Variants in DOK2 observed in about 807,000 individuals in gnomAD.
DOK2 encodes the protein docking protein 2, 56kD.
Under a neutral mutation model 26.0 loss-of-function variants are expected in DOK2, and 28 were observed. The ratio of observed to expected loss-of-function variants is 1.08; its 90% CI spans 0.80 to 1.48. DOK2 has a LOEUF of 1.48. Ranked by LOEUF, DOK2 falls within the 40% of genes most tolerant of loss-of-function variation. The pLI is 0.00. For missense variants in DOK2, 682 were observed against 558.2 expected (o/e 1.22, Z -2.23); for synonymous variants, 282 against 236.9 (o/e 1.19, Z -1.75).
At position 21,913,539 on chromosome 8, in the gene DOK2, C is replaced by G. The variant is rs137897782; in HGVS notation, c.63G>C (p.Lys21Asn). Residue 21 changes from lysine to asparagine, a missense_variant and splice_region_variant, in exon 1 of 5, where the codon AAG becomes AAC. Coordinates refer to ENST00000276420, the MANE Select transcript of DOK2 (RefSeq NM_003974.4). Reference protein sequence around the residue: ...LYLQQQQTFGKKWRRFGASLY... With the variant: ...LYLQQQQTFGNKWRRFGASLY... Reference sequence around the variant, plus strand: ...AACCCCAGCCCAGCCTCACTCCTACCTTTCCAAACGTCTGCTGCTGCTGAA... The same window carrying G: ...AACCCCAGCCCAGCCTCACTCCTACGTTTCCAAACGTCTGCTGCTGCTGAA... 2.7e-4 allele frequency: 428 copies of G among 1,613,974 alleles called. No homozygotes were observed. The highest frequency in any genetic ancestry group is 3.5e-4 in the Non-Finnish European group (414 of 1,180,024).
intron 3 of DOK2, 133 bp from the exon 4 acceptor site, chr8:21,910,990 C>T (rs1363822885): frequency 1.8e-6 from 2 of 1,091,920 alleles, no homozygotes; most frequent in Non-Finnish European, 2.5e-6. Flanking sequence ...TGGCCCCCTG[C>T]CTGGGTCTTG....
At position 21,909,938 on chromosome 8, in the gene DOK2, C is replaced by G; in HGVS notation, c.619-7G>C. ...CCTCAAAGGAAAAGGTTACCTGGACCAGGGAGAAAGCAGGTTATTGGCCAG... is the reference window on the plus strand; with the variant it reads ...CCTCAAAGGAAAAGGTTACCTGGACGAGGGAGAAAGCAGGTTATTGGCCAG... On this transcript the variant is annotated splice_polypyrimidine_tract_variant and splice_region_variant and intron_variant, in intron 4 of 4. Coordinates refer to ENST00000276420, the MANE Select transcript of DOK2 (RefSeq NM_003974.4). 2 of 1,603,042 alleles carry G rather than the reference C, an allele frequency of 1.2e-6. No homozygotes were observed. The highest frequency in any genetic ancestry group is 1.3e-5 in the African/African-American group (1 of 74,804).
At chr8:21,911,855 T>C (rs1378511346) in intron 3 of DOK2, 46 bp downstream of exon 3, 1 of 1,534,380 alleles carries the variant, frequency 6.5e-7, no homozygotes. Flanking sequence ...CACCTCACCC[T>C]GGGGAGAGCC....
In DOK2 at chr8:21,912,450, C is replaced by T; in HGVS notation, c.124G>A (p.Glu42Lys). Reference protein sequence around the residue: ...GGSDCALARLELQEGPEKPRR... With the variant: ...GGSDCALARLKLQEGPEKPRR... ...GGCTTCTCCGGGCCCTCCTGCAGCTCCAGCCGGGCCAAGGCGCAGTCCGAC... is the reference window on the plus strand; with the variant it reads ...GGCTTCTCCGGGCCCTCCTGCAGCTTCAGCCGGGCCAAGGCGCAGTCCGAC... The change falls in exon 2 of 5, where the codon GAG becomes AAG. Residue 42 changes from glutamate to lysine, a missense_variant. By Grantham distance (56) the Glu-to-Lys change is moderately conservative. Transcript: ENST00000276420. The T allele has an allele frequency of 1.3e-6, 2 of 1,566,222 alleles. No individual in the cohort carries two copies. The highest frequency in any genetic ancestry group is 1.7e-6 in the Non-Finnish European group (2 of 1,157,596).
rs1418550586 is a variant in DOK2, at chr8:21,909,964, G to A, written c.619-33C>T. 1.9e-6 allele frequency: 3 copies of A among 1,581,098 alleles called. No homozygotes were observed. In the East Asian group the frequency reaches 6.7e-5, roughly 35 times the overall value. ...AGGGAGAAAGCAGGTTATTGGCCAG[G>A]CCACAGGGCAGGGGTGCATTTTTTT... On this transcript the variant is annotated intron_variant, in intron 4 of 4. Coordinates refer to ENST00000276420, the MANE Select transcript of DOK2 (RefSeq NM_003974.4).
chr8:21,912,228 C>T lies in DOK2; in HGVS notation c.345+1G>A, dbSNP rs748150790. On this transcript the variant is annotated splice_donor_variant, in intron 2 of 4. Transcript: ENST00000276420. LOFTEE classifies it high-confidence loss of function. ...CCCTTTCCGCACCCCGCGCGACTCA[C>T]GGGGAAGGCCAGGAGGCAGATGGCC... The T allele has an allele frequency of 2.6e-6, 4 of 1,556,906 alleles. No individual in the cohort carries two copies. The highest frequency in any genetic ancestry group is 1.2e-5 in the South Asian group (1 of 84,938).
intron 3 of DOK2, among the ~76,000 whole-genome samples, chr8:21,911,538 G>A (rs1809844962): frequency 6.6e-6 from 1 of 152,198 alleles, no homozygotes; most frequent in Non-Finnish European, 1.5e-5. Flanking sequence ...AACCCGGGAA[G>A]CGGCGGTTGC....
At position 21,909,414 on chromosome 8, in the gene DOK2, G is replaced by T; in HGVS notation, c.1136C>A (p.Ala379Asp). 6.2e-7 allele frequency: 1 copy of T among 1,611,348 alleles called. No individual in the cohort carries two copies. Among genetic ancestry groups the T allele is most frequent in the Non-Finnish European group, 8.5e-7 (1 of 1,178,312 alleles). ...RRQATADRDP[A>D]GLQHVQPAGQ... ...GGCTGGCTGGACATGCTGGAGGCCA[G>T]CAGGGTCCCTGTCAGCTGTCGCCTG... The change falls in exon 5 of 5, where the codon GCT becomes GAT. Residue 379 changes from alanine (A) to aspartate (D), a missense_variant. Physicochemically the swap from Ala to Asp is moderately radical, Grantham distance 126 (BLOSUM62 -2). Coordinates refer to ENST00000276420, the MANE Select transcript of DOK2 (RefSeq NM_003974.4).
rs73541515 is a variant in DOK2 at position 21,912,236 on chromosome 8, G to A, written c.338C>T (p.Ala113Val). 307 of 1,562,864 alleles carry A rather than the reference G, an allele frequency of 2.0e-4. No individual in the cohort carries two copies. The Middle Eastern group carries it at 2.4e-3, about 12-fold the overall frequency. ...GDWVQAICLL[A>V]FPGQRKELSG... Reference sequence around the variant, plus strand: ...GCACCCCGCGCGACTCACGGGGAAGGCCAGGAGGCAGATGGCCTGCACCCA... The same window carrying A: ...GCACCCCGCGCGACTCACGGGGAAGACCAGGAGGCAGATGGCCTGCACCCA... Residue 113 changes from alanine (A) to valine (V), a missense_variant, in exon 2 of 5, where the codon GCC becomes GTC. Physicochemically the swap from Ala to Val is moderately conservative, Grantham distance 64. Coordinates refer to ENST00000276420, the MANE Select transcript of DOK2 (RefSeq NM_003974.4).
chr8:21,911,573 A>C (rs946452654), intron 3 of DOK2, among the ~76,000 whole-genome samples: 71 of 152,192 alleles, frequency 4.7e-4, no homozygotes, highest in African/African-American at 1.6e-3. Context: ...GTGCCATTGC[A>C]CTCCAGCCTG....
intron 3 of DOK2, 134 bp downstream of exon 3, chr8:21,911,767 C>T (rs1809853597): frequency 2.1e-6 from 2 of 970,670 alleles, no homozygotes; most frequent in Non-Finnish European, 2.9e-6. Context: ...AGGCTGATAA[C>T]GGGGCTGGCC....
Position 21,912,222 on chromosome 8 carries a change from G to A in DOK2, c.345+7C>T, listed in dbSNP as rs574468600. On this transcript the variant is annotated splice_region_variant and intron_variant, in intron 2 of 4. Transcript: ENST00000276420. ...CCCTTGCCCTTTCCGCACCCCGCGC[G>A]ACTCACGGGGAAGGCCAGGAGGCAG... is the stretch of plus-strand genomic sequence containing the variant. The A allele has an allele frequency of 1.2e-5, 19 of 1,552,122 alleles. No individual in the cohort carries two copies. In the East Asian group the frequency reaches 3.6e-4, roughly 30 times the overall value.
At position 21,908,918 on chromosome 8, in the gene DOK2, G is replaced by C. The variant is rs1212966684; in HGVS notation, c.*393C>G. 5.8e-6 allele frequency: 1 copy of C among 172,318 alleles called. No individual in the cohort carries two copies. The highest frequency in any genetic ancestry group is 1.2e-5 in the Non-Finnish European group (1 of 81,804). The allele number at this position is 172,318 out of a possible 1,614,324, so 10.7% of individuals were successfully genotyped here. A position where few individuals can be genotyped will look rare whatever the true frequency, so the allele number is the denominator to read the frequency against. On this transcript the variant is annotated 3_prime_UTR_variant, in exon 5 of 5. Coordinates refer to ENST00000276420, the MANE Select transcript of DOK2 (RefSeq NM_003974.4). ...GCCACCAAGAAATCTGAAAGGTGCA[G>C]GAAGCTGCCGCCATCCCCCTGGGTG...
chr8:21,911,108 C>T (rs1396217422), intron 3 of DOK2: 8 of 513,716 alleles, frequency 1.6e-5, no homozygotes, highest in African/African-American at 1.2e-4. Flanking sequence ...CAACCTCGTG[C>T]CCACATCCTT....
chr8:21,910,858 C>A lies in DOK2; in HGVS notation c.434-1G>T, dbSNP rs899449022. 2 of 1,600,392 alleles carry A rather than the reference C, an allele frequency of 1.2e-6. No individual in the cohort carries two copies. Among genetic ancestry groups the A allele is most frequent in the Non-Finnish European group, 1.7e-6 (2 of 1,172,596 alleles). On this transcript the variant is annotated splice_acceptor_variant, in intron 3 of 4. Transcript: ENST00000276420. LOFTEE classifies it high-confidence loss of function. The stretch of plus-strand genomic sequence containing the variant: ...ACAGCAAATTCCTTGTGGGGGCCGA[C>A]TGGGGAGAAGAAGAGAGAGAAGGCG...
At chr8:21,910,346 C>G (rs1054291311) in intron 4 of DOK2, among the ~76,000 whole-genome samples, 1 of 152,150 alleles carries the variant, frequency 6.6e-6, no homozygotes, top group African/African-American at 2.4e-5. Context: ...TTCATGGGAA[C>G]TGCTGGAGCC....
intron 3 of DOK2, 45 bp from the exon 4 acceptor site, chr8:21,910,902 C>G (rs1049372467): frequency 1.3e-6 from 2 of 1,548,954 alleles, no homozygotes; most frequent in East Asian, 2.3e-5. Context: ...TAATGGGAAA[C>G]AGCTGGCCTG....
In DOK2 at chr8:21,910,850, G is replaced by A; in HGVS notation, c.441C>T (p.Pro147=). Reference sequence around the variant, plus strand: ...TCATGGTCACAGCAAATTCCTTGTGGGGGCCGACTGGGGAGAAGAAGAGAG... The same window carrying A: ...TCATGGTCACAGCAAATTCCTTGTGAGGGCCGACTGGGGAGAAGAAGAGAG... The part of the protein sequence containing the change: ...ELYSSAVTVG[P]HKEFAVTMRP... Residue 147 remains proline (P), a synonymous_variant, in exon 4 of 5, where the codon CCC becomes CCT. Coordinates refer to ENST00000276420, the MANE Select transcript of DOK2 (RefSeq NM_003974.4). 1 of 1,600,774 alleles carries A rather than the reference G, an allele frequency of 6.2e-7. No individual in the cohort carries two copies. Among genetic ancestry groups the A allele is most frequent in the Non-Finnish European group, 8.5e-7 (1 of 1,173,470 alleles).
chr8:21,913,505 C>T, intron 1 of DOK2, 34 bp downstream of exon 1: 1 of 1,613,190 alleles, frequency 6.2e-7, no homozygotes, highest in Non-Finnish European at 8.5e-7. Context: ...CCTCCCAGGC[C>T]CCCTGCCCAA....
Sources: allele counts gnomAD v4.1 joint callset (sites outside exome capture counted in the v4.1 genomes callset), GRCh38; gene constraint gnomAD v4.1.1; transcripts MANE v1.5; gene names NCBI Gene and HGNC (gene_info 2026-07-23, HGNC 2026-07-21).